Variants in KCNAB1 observed in about 807,000 individuals in gnomAD.
The protein encoded by KCNAB1 is voltage-gated potassium channel subunit beta-1.
Under a neutral mutation model 64.6 loss-of-function variants are expected in KCNAB1, and 35 were observed. The observed-to-expected ratio is 0.54, with a 90% confidence interval of 0.41 to 0.72. KCNAB1 has a LOEUF of 0.72. Ranked by LOEUF, KCNAB1 falls within the 30% of genes least tolerant of loss-of-function variation. KCNAB1 has a pLI of 0.00. For synonymous variants in KCNAB1, 177 were observed against 183.8 expected, an observed-to-expected ratio of 0.96 and a Z score of 0.30; for missense variants, 401 against 512.9, an observed-to-expected ratio of 0.78 and a Z score of 2.11.
intron 5 of KCNAB1, among the ~76,000 whole-genome samples, chr3:156,460,778 T>C (rs556297176): frequency 6.6e-6 from 1 of 152,220 alleles, no homozygotes; most frequent in Non-Finnish European, 1.5e-5. Context: ...TCTCAAAGAG[T>C]TCAAGAGTGG....
chr3:156,294,591 A>G (rs183740341), intron 1 of KCNAB1, among the ~76,000 whole-genome samples: 2 of 152,332 alleles, frequency 1.3e-5, no homozygotes, highest in East Asian at 1.9e-4. Flanking sequence ...TAATGTGTAT[A>G]TATGGACTAT....
chr3:156,151,192 G>T (rs778220825), intron 1 of KCNAB1, among the ~76,000 whole-genome samples: 11 of 152,146 alleles, frequency 7.2e-5, no homozygotes, highest in Non-Finnish European at 1.6e-4. Context: ...GGTCTTGTGG[G>T]CCTGGCTCAT....
intron 12 of KCNAB1, among the ~76,000 whole-genome samples, chr3:156,524,656 A>C (rs1198131681): frequency 1.4e-5 from 2 of 146,080 alleles, no homozygotes; most frequent in African/African-American, 5.0e-5. Flanking sequence ...CTGAGGCAGG[A>C]GAATGGCGTG....
intron 3 of KCNAB1, chr3:156,457,251 T>C: frequency 7.3e-7 from 1 of 1,371,890 alleles, no homozygotes; most frequent in Non-Finnish European, 9.4e-7. Flanking sequence ...AACCCCTCAG[T>C]GCCCTATGTC....
chr3:156,517,905 G>A (rs1284267470), intron 11 of KCNAB1, among the ~76,000 whole-genome samples: 1 of 152,212 alleles, frequency 6.6e-6, no homozygotes, highest in African/African-American at 2.4e-5. Context: ...AGAAAAGGCT[G>A]ATATTAGAAC....
intron 1 of KCNAB1, among the ~76,000 whole-genome samples, chr3:156,300,501 G>C (rs1721081441): frequency 6.6e-6 from 1 of 152,098 alleles, no homozygotes; most frequent in Non-Finnish European, 1.5e-5. Flanking sequence ...ACTCAGTGCT[G>C]GATACAATTC....
At chr3:156,281,394 A>G (rs1243824918) in intron 1 of KCNAB1, among the ~76,000 whole-genome samples, 24 of 150,748 alleles carry the variant, frequency 1.6e-4, no homozygotes, top group African/African-American at 5.8e-4. Flanking sequence ...TTTTTGCATC[A>G]ATGTTCATCA....
intron 8 of KCNAB1, among the ~76,000 whole-genome samples, chr3:156,481,030 C>A (rs188689412): frequency 7.9e-5 from 12 of 152,194 alleles, no homozygotes; most frequent in Admixed American, 7.9e-4. Context: ...CATTCTAGTA[C>A]CTGGTTCAAC....
Position 156,244,023 on chromosome 3 carries a change from T to C in KCNAB1, c.275+123137T>C, listed in dbSNP as rs78865275. On this transcript the variant is annotated intron_variant, in intron 1 of 13. Transcript: ENST00000490337. Reference sequence around the variant, plus strand: ...CTTGGGTGGCCAAACATCCAGTCTTTCTGAACATTTCCCACATACTCCATC... The same window carrying C: ...CTTGGGTGGCCAAACATCCAGTCTTCCTGAACATTTCCCACATACTCCATC... 3.3e-4 allele frequency among the ~76,000 whole-genome samples: 50 copies of C among 152,376 alleles called. No individual in the cohort carries two copies. In the East Asian group the frequency reaches 8.7e-3, roughly 26 times the overall value.
chr3:156,257,740 A>G (rs965073540), intron 1 of KCNAB1, among the ~76,000 whole-genome samples: 2 of 152,178 alleles, frequency 1.3e-5, no homozygotes, highest in African/African-American at 4.8e-5. Flanking sequence ...TATGAGAGTC[A>G]TAGTTTACTG....
chr3:156,498,752 G>A (rs1418542554), intron 8 of KCNAB1, among the ~76,000 whole-genome samples: 1 of 152,204 alleles, frequency 6.6e-6, no homozygotes, highest in East Asian at 1.9e-4. Flanking sequence ...TTGAAGTTGA[G>A]CAAAGTTTTC....
intron 1 of KCNAB1, among the ~76,000 whole-genome samples, chr3:156,410,645 T>C (rs1269747265): frequency 1.3e-5 from 2 of 152,184 alleles, no homozygotes; most frequent in Non-Finnish European, 2.9e-5. Flanking sequence ...TCTCCCCACC[T>C]CCAAATCCTG....
At position 156,212,321 on chromosome 3, in the gene KCNAB1, C is replaced by G. The variant is rs148312427; in HGVS notation, c.275+91435C>G. The stretch of plus-strand genomic sequence containing the variant: ...TGATCTCTCTAGAAAACTTGAAAAT[C>G]CTCAAAGGAATAAAGTGTTAGTGAT... On this transcript the variant is annotated intron_variant, in intron 1 of 13. Transcript: ENST00000490337. Among the ~76,000 whole-genome samples, 423 of 152,156 alleles carry G rather than the reference C, an allele frequency of 2.8e-3. 3 individuals are homozygous for G. Among genetic ancestry groups the G allele is most frequent in the African/African-American group, 9.4e-3 (391 of 41,486 alleles).
At chr3:156,126,129 C>A (rs1713640869) in intron 1 of KCNAB1, among the ~76,000 whole-genome samples, 1 of 151,818 alleles carries the variant, frequency 6.6e-6, no homozygotes, top group African/African-American at 2.4e-5. Context: ...AGCAGAGGTG[C>A]AGATGAAAGG....
intron 2 of KCNAB1, among the ~76,000 whole-genome samples, chr3:156,438,929 G>A (rs4680270): frequency 0.48 from 72,470 of 151,832 alleles, 18,646 homozygotes; most frequent in Admixed American, 0.59. Flanking sequence ...CAGGAGAATC[G>A]CTTGAACCCG....
chr3:156,296,119 A>G (rs1382534985), intron 1 of KCNAB1, among the ~76,000 whole-genome samples: 1 of 152,144 alleles, frequency 6.6e-6, no homozygotes, highest in African/African-American at 2.4e-5. Context: ...TTTGGTGTAC[A>G]CTCTACAACC....
intron 7 of KCNAB1, among the ~76,000 whole-genome samples, chr3:156,470,140 G>T (rs1466319318): frequency 6.6e-6 from 1 of 152,172 alleles, no homozygotes; most frequent in Non-Finnish European, 1.5e-5. Flanking sequence ...ATATTGAAAG[G>T]CCTTTTTAAT....
rs546237534 is a variant in KCNAB1 at position 156,284,789 on chromosome 3, C to G, written c.276-136827C>G. Among the ~76,000 whole-genome samples the G allele has an allele frequency of 9.8e-5, 15 of 152,346 alleles. No individual in the cohort carries two copies. The East Asian group carries it at 2.7e-3, about 27-fold the overall frequency. ...AAAGGGAACTCCCTGACCCCTTGTG[C>G]TTCCCAAGTGAGGCAATGCCTCACC... On this transcript the variant is annotated intron_variant, in intron 1 of 13. Coordinates refer to ENST00000490337, the MANE Select transcript of KCNAB1 (RefSeq NM_172160.3).
chr3:156,435,030 G>A (rs1340179077), intron 2 of KCNAB1, among the ~76,000 whole-genome samples: 2 of 152,214 alleles, frequency 1.3e-5, no homozygotes, highest in African/African-American at 4.8e-5. Context: ...GTCAGTGCTA[G>A]TGTGGGTAAC....
Sources: allele counts gnomAD v4.1 joint callset (sites outside exome capture counted in the v4.1 genomes callset), GRCh38; gene constraint gnomAD v4.1.1; transcripts MANE v1.5; gene names NCBI Gene and HGNC (gene_info 2026-07-23, HGNC 2026-07-21).